Variants in ROBO2 observed in about 807,000 individuals in gnomAD.
ROBO2 encodes the protein roundabout guidance receptor 2, also known as roundabout homolog 2.
In ROBO2, 53 loss-of-function variants were observed where a neutral mutation model predicts 160.8. That is an observed-to-expected ratio of 0.33 (90% CI 0.26 to 0.41). The LOEUF is 0.41. ROBO2 is among the 10% of genes least tolerant of loss of function. The pLI is 1.00. For missense variants in ROBO2, 1,577 were observed against 1,722.4 expected, an observed-to-expected ratio of 0.92 and a Z score of 1.49; for synonymous variants, 664 against 611.7, an observed-to-expected ratio of 1.09 and a Z score of -1.26.
intron 2 of ROBO2, among the ~76,000 whole-genome samples, chr3:77,443,124 T>A (rs1162637618): frequency 6.6e-6 from 1 of 152,208 alleles, no homozygotes; most frequent in East Asian, 1.9e-4. Context: ...TTGGATACAA[T>A]GGAAAGAACA....
At chr3:77,243,945 T>C (rs1200212162) in intron 2 of ROBO2, among the ~76,000 whole-genome samples, 2 of 152,244 alleles carry the variant, frequency 1.3e-5, no homozygotes, top group Non-Finnish European at 2.9e-5. Flanking sequence ...GACCATATTA[T>C]GAAATTCTGT....
intron 2 of ROBO2, among the ~76,000 whole-genome samples, chr3:76,087,917 T>G (rs912180659): frequency 2.6e-5 from 4 of 152,024 alleles, no homozygotes; most frequent in Non-Finnish European, 5.9e-5. Flanking sequence ...ATTAACACAC[T>G]AAAGACAAAG....
chr3:77,646,982 C>T (rs868806897), exon 26 of ROBO2: 1 of 152,402 alleles, frequency 6.6e-6, no homozygotes, highest in Admixed American at 6.6e-5. Context: ...TCTGAATTAT[C>T]GTAATTAAGC....
At chr3:76,310,808 A>T (rs1382805548) in intron 2 of ROBO2, among the ~76,000 whole-genome samples, 1 of 152,132 alleles carries the variant, frequency 6.6e-6, no homozygotes, top group Non-Finnish European at 1.5e-5. Flanking sequence ...CTACCCACCC[A>T]AGTGGCGGTG....
At chr3:76,367,252 T>C (rs1015002444) in intron 2 of ROBO2, among the ~76,000 whole-genome samples, 3 of 152,044 alleles carry the variant, frequency 2.0e-5, no homozygotes, top group African/African-American at 7.2e-5. Context: ...AGAGACTTTC[T>C]CATTTACCCA....
At chr3:77,493,726 C>T (rs754744733) in intron 5 of ROBO2, among the ~76,000 whole-genome samples, 5 of 152,088 alleles carry the variant, frequency 3.3e-5, no homozygotes, top group Admixed American at 2.0e-4. Flanking sequence ...AATGACTGCC[C>T]GTTCCCATGC....
chr3:77,038,502 C>T (rs1032201013), upstream of ROBO2, among the ~76,000 whole-genome samples: 1 of 152,136 alleles, frequency 6.6e-6, no homozygotes, highest in Admixed American at 6.5e-5. Context: ...AGCACCAAAA[C>T]GTATCCACCA....
intron 2 of ROBO2, among the ~76,000 whole-genome samples, chr3:77,272,597 A>G (rs1288010489): frequency 6.6e-6 from 1 of 152,180 alleles, no homozygotes; most frequent in Non-Finnish European, 1.5e-5. Context: ...AATCCAAACC[A>G]TATCATAAGC....
chr3:77,311,506 G>A (rs2063538849), intron 2 of ROBO2, among the ~76,000 whole-genome samples: 1 of 152,136 alleles, frequency 6.6e-6, no homozygotes, highest in Non-Finnish European at 1.5e-5. Flanking sequence ...ATGATCTTTG[G>A]TGAGAATGTA....
chr3:77,129,697 G>C (rs2075674715), intron 2 of ROBO2, among the ~76,000 whole-genome samples: 1 of 152,150 alleles, frequency 6.6e-6, no homozygotes, highest in African/African-American at 2.4e-5. Flanking sequence ...GTTGACCACT[G>C]TCAGGTGCAG....
chr3:76,579,707 T>C (rs1305508258), intron 2 of ROBO2, among the ~76,000 whole-genome samples: 1 of 150,154 alleles, frequency 6.7e-6, no homozygotes, highest in East Asian at 2.0e-4. Context: ...GAGCCATATG[T>C]ACGAAATTTG....
chr3:76,621,129 T>C (rs1489613801), intron 2 of ROBO2, among the ~76,000 whole-genome samples: 3 of 129,632 alleles, frequency 2.3e-5, no homozygotes, highest in Non-Finnish European at 5.2e-5. Flanking sequence ...TTTTAGTTTA[T>C]GCTTTTTTTT....
chr3:76,053,771 TAAG>T (rs1224402175), intron 2 of ROBO2, among the ~76,000 whole-genome samples: 1 of 152,104 alleles, frequency 6.6e-6, no homozygotes, highest in African/African-American at 2.4e-5. Context: ...ATTACTGTGA[TAAG>T]AGGCAGATTG....
chr3:76,399,741 T>C (rs939487685), intron 2 of ROBO2, among the ~76,000 whole-genome samples: 2 of 151,702 alleles, frequency 1.3e-5, no homozygotes, highest in African/African-American at 2.4e-5. Flanking sequence ...CAGGGGAGTC[T>C]ACCCATAACT....
chr3:75,989,694 G>A (rs748851702), intron 2 of ROBO2, among the ~76,000 whole-genome samples: 33 of 152,168 alleles, frequency 2.2e-4, no homozygotes, highest in Admixed American at 3.3e-4. Context: ...TGCTGGAACC[G>A]TGTTAATATA....
chr3:77,195,660 C>T (rs879575965), intron 2 of ROBO2, among the ~76,000 whole-genome samples: 19 of 152,046 alleles, frequency 1.2e-4, no homozygotes, highest in Non-Finnish European at 1.5e-4. Flanking sequence ...CTTTTTAGAA[C>T]GAAATATAAG....
At chr3:76,210,164 T>C (rs1703055188) in intron 2 of ROBO2, among the ~76,000 whole-genome samples, 1 of 152,192 alleles carries the variant, frequency 6.6e-6, no homozygotes, top group African/African-American at 2.4e-5. Context: ...GTGATAATTA[T>C]TCCCAAAATC....
chr3:76,021,496 G>T (rs996992866), intron 2 of ROBO2, among the ~76,000 whole-genome samples: 2 of 151,516 alleles, frequency 1.3e-5, no homozygotes, highest in Non-Finnish European at 3.0e-5. Context: ...GTAGAATTAC[G>T]TCCCTATTAT....
At chr3:76,363,895 A>C (rs964041368) in intron 2 of ROBO2, among the ~76,000 whole-genome samples, 2 of 152,036 alleles carry the variant, frequency 1.3e-5, no homozygotes, top group African/African-American at 4.8e-5. Flanking sequence ...ACTTTTACTT[A>C]AACTATGGTC....
Sources: allele counts gnomAD v4.1 joint callset (sites outside exome capture counted in the v4.1 genomes callset), GRCh38; gene constraint gnomAD v4.1.1; transcripts MANE v1.5; gene names NCBI Gene and HGNC (gene_info 2026-07-23, HGNC 2026-07-21).